PANK3: variants seen among roughly 807,000 people sequenced by gnomAD.
PANK3 encodes hPanK3.
A neutral mutation model predicts 39.4 loss-of-function variants in PANK3; 20 were observed. The ratio of observed to expected loss-of-function variants is 0.51; its 90% CI spans 0.36 to 0.74. PANK3 has a LOEUF of 0.74. Among genes scored for constraint, PANK3 ranks in the 30% least tolerant of loss-of-function variants. PANK3 has a pLI of 0.00. For missense variants in PANK3, 265 were observed against 437.0 expected (o/e 0.61, Z 3.51); for synonymous variants, 140 against 157.3 (o/e 0.89, Z 0.82).
chr5:168,564,167 A>G, intron 3 of PANK3, 102 bp from the exon 4 acceptor site: 1 of 1,060,190 alleles, frequency 9.4e-7, no homozygotes, highest in Non-Finnish European at 1.3e-6. Context: ...CACACAGAAA[A>G]AAAACCTATG....
chr5:168,572,052 T>TA (rs1347244424), intron 1 of PANK3, among the ~76,000 whole-genome samples: 1 of 149,754 alleles, frequency 6.7e-6, no homozygotes, highest in Admixed American at 6.6e-5. Flanking sequence ...CTAAGCAACA[T>TA]AAGCAGAAGA....
At chr5:168,557,693 C>T (rs903282646) in intron 6 of PANK3, 72 bp from the exon 7 acceptor site, 3 of 1,183,514 alleles carry the variant, frequency 2.5e-6, no homozygotes, top group Non-Finnish European at 3.7e-6. Flanking sequence ...CACTTGAGAA[C>T]ACACAACTAT....
chr5:168,579,251 C>CT lies in PANK3; in HGVS notation c.28+4dup. 6.7e-7 allele frequency: 1 copy of CT among 1,496,534 alleles called. No individual in the cohort carries two copies. The highest frequency in any genetic ancestry group is 8.9e-7 in the Non-Finnish European group (1 of 1,120,466). The allele number at this position is 1,496,534 out of a possible 1,614,324, so 92.7% of individuals were successfully genotyped here. Reference sequence around the variant, plus strand: ...CAACCTGGCGGGCCCCAGCCCCCGTCTTACAGGGTTTCTTGGCATCTTTGA... The same window carrying CT: ...CAACCTGGCGGGCCCCAGCCCCCGTCTTTACAGGGTTTCTTGGCATCTTTGA... On this transcript the variant is annotated splice_donor_region_variant and intron_variant, in intron 1 of 6. Coordinates refer to ENST00000239231, the MANE Select transcript of PANK3 (RefSeq NM_024594.4).
chr5:168,567,098 C>T (rs1318617317), intron 2 of PANK3, among the ~76,000 whole-genome samples: 1 of 152,136 alleles, frequency 6.6e-6, no homozygotes, highest in Non-Finnish European at 1.5e-5. Context: ...CCACATAAAG[C>T]AAGGGAAAAT....
intron 1 of PANK3, 27 bp from the exon 2 acceptor site, chr5:168,569,025 AAAAAAATAT>A: frequency 2.7e-6 from 1 of 371,506 alleles, no homozygotes; most frequent in Non-Finnish European, 3.9e-6. Context: ...AAAAAAAAAA[AAAAAAATAT>A]ATATATATAT....
rs1759267189 is a variant in PANK3 at position 168,551,082 on chromosome 5, CTT to C, written c.*6487_*6488del. 1 of 152,106 alleles carries C rather than the reference CTT, an allele frequency of 6.6e-6. No homozygotes were observed. Among genetic ancestry groups the C allele is most frequent in the Non-Finnish European group, 1.5e-5 (1 of 67,994 alleles). 9.4% of individuals were successfully genotyped at this position (152,106 alleles called of 1,614,324 possible). On this transcript the variant is annotated 3_prime_UTR_variant, in exon 7 of 7. Transcript: ENST00000239231. ...ATCGTGAATGGGCTATCCAAATACTCTTAACAGAAGGAATTCCTTTTTTAGGT... is the reference window on the plus strand; with the variant it reads ...ATCGTGAATGGGCTATCCAAATACTCAACAGAAGGAATTCCTTTTTTAGGT...
At chr5:168,564,087 G>A in intron 3 of PANK3, 22 bp from the exon 4 acceptor site, 2 of 1,564,422 alleles carry the variant, frequency 1.3e-6, no homozygotes, top group Non-Finnish European at 1.7e-6. Flanking sequence ...AAAGAAACTT[G>A]CTAAGTTGCA....
chr5:168,568,054 A>G (rs1385894282), intron 2 of PANK3, among the ~76,000 whole-genome samples: 4 of 152,234 alleles, frequency 2.6e-5, no homozygotes, highest in Non-Finnish European at 2.9e-5. Flanking sequence ...AAAGACTAGA[A>G]GATGGCAAAC....
At chr5:168,573,432 A>AAAAAAAAAAAAAAAAAAAAAAAAAAAT (rs1289340058) in intron 1 of PANK3, among the ~76,000 whole-genome samples, 1 of 146,374 alleles carries the variant, frequency 6.8e-6, no homozygotes, top group Non-Finnish European at 1.5e-5. Context: ...AAAAAAAAAA[A>AAAAAAAAAAAAAAAAAAAAAAAAAAAT]AAAAAAAAAA....
Position 168,551,548 on chromosome 5 carries a change from A to C in PANK3, c.*6023T>G, listed in dbSNP as rs1759272223. On this transcript the variant is annotated 3_prime_UTR_variant, in exon 7 of 7. Transcript: ENST00000239231. ...AAAAAACTTTGCTTATAATATACAG[A>C]GTGGTTATAAAGAACATATGGAAAT... The C allele has an allele frequency of 6.6e-6, 1 of 152,220 alleles. No individual in the cohort carries two copies. Among genetic ancestry groups the C allele is most frequent in the African/African-American group, 2.4e-5 (1 of 41,464 alleles). The allele number at this position is 152,220 out of a possible 1,614,324, so 9.4% of individuals were successfully genotyped here.
rs900769594 is a variant in PANK3, at chr5:168,555,477, A to C, written c.*2094T>G. 2.6e-5 allele frequency: 4 copies of C among 152,244 alleles called. No individual in the cohort carries two copies. The highest frequency in any genetic ancestry group is 4.4e-5 in the Non-Finnish European group (3 of 68,074). The allele number at this position is 152,244 out of a possible 1,614,324, so 9.4% of individuals were successfully genotyped here. On this transcript the variant is annotated 3_prime_UTR_variant, in exon 7 of 7. Transcript: ENST00000239231. ...AGGCTGGTCTCGAACTCCTGACCTC[A>C]GGTGACCTGCCCACCCTGGCCTCTC...
chr5:168,579,363 CCG>C lies in PANK3; in HGVS notation c.-82_-81del. On this transcript the variant is annotated 5_prime_UTR_variant, in exon 1 of 7. Coordinates refer to ENST00000239231, the MANE Select transcript of PANK3 (RefSeq NM_024594.4). ...GGCGGCGACTCCGGAGGTGGCTGGGCCGCGCGGCGAGGCCCGGCCGGTTCCTC... is the reference window on the plus strand; with the variant it reads ...GGCGGCGACTCCGGAGGTGGCTGGGCCGCGGCGAGGCCCGGCCGGTTCCTC... 7.9e-7 allele frequency: 1 copy of C among 1,268,540 alleles called. No individual in the cohort carries two copies. Among genetic ancestry groups the C allele is most frequent in the Non-Finnish European group, 1.0e-6 (1 of 975,208 alleles). 78.6% of individuals were successfully genotyped at this position (1,268,540 alleles called of 1,614,324 possible).
In PANK3 at chr5:168,550,102, A is replaced by C. The variant is rs1278231969; in HGVS notation, c.*7469T>G. 3.3e-5 allele frequency: 5 copies of C among 152,346 alleles called. No homozygotes were observed. In the East Asian group the frequency reaches 9.6e-4, roughly 29 times the overall value. The allele number at this position is 152,346 out of a possible 1,614,324, so 9.4% of individuals were successfully genotyped here. ...CTTTATAATGGGGCAAAAGCAATAC[A>C]CATTCAGTTAAAAACTGTACTTCAA... On this transcript the variant is annotated 3_prime_UTR_variant, in exon 7 of 7. Transcript: ENST00000239231.
rs550972000 is a variant in PANK3, at chr5:168,551,371, A to G, written c.*6200T>C. On this transcript the variant is annotated 3_prime_UTR_variant, in exon 7 of 7. Coordinates refer to ENST00000239231, the MANE Select transcript of PANK3 (RefSeq NM_024594.4). ...TAATGTTTTGTTCACACCCACCACA[A>G]AACAGTTAAGTTAAATTCAAAATAA... 1 of 152,282 alleles carries G rather than the reference A, an allele frequency of 6.6e-6. No homozygotes were observed. Among genetic ancestry groups the G allele is most frequent in the South Asian group, 2.1e-4 (1 of 4,828 alleles). The allele number at this position is 152,282 out of a possible 1,614,324, so 9.4% of individuals were successfully genotyped here. A position where few individuals can be genotyped will look rare whatever the true frequency, so the allele number is the denominator to read the frequency against.
At position 168,552,222 on chromosome 5, in the gene PANK3, C is replaced by T. The variant is rs1759282419; in HGVS notation, c.*5349G>A. The T allele has an allele frequency of 6.6e-6, 1 of 152,112 alleles. No homozygotes were observed. Among genetic ancestry groups the T allele is most frequent in the South Asian group, 2.1e-4 (1 of 4,822 alleles). 9.4% of individuals were successfully genotyped at this position (152,112 alleles called of 1,614,324 possible). A position where few individuals can be genotyped will look rare whatever the true frequency, so the allele number is the denominator to read the frequency against. On this transcript the variant is annotated 3_prime_UTR_variant, in exon 7 of 7. Transcript: ENST00000239231. ...AGAGGTCTACAATGCATTAAAGTTT[C>T]TTTTTAATCCTTAGAAATTGGCTGC...
At chr5:168,577,120 C>T (rs1261442916) in intron 1 of PANK3, among the ~76,000 whole-genome samples, 1 of 151,812 alleles carries the variant, frequency 6.6e-6, no homozygotes, top group Non-Finnish European at 1.5e-5. Flanking sequence ...ACCTCGTGAT[C>T]TGCCCCACTC....
In PANK3 at chr5:168,559,197, AG is replaced by A. The variant is rs1242040718; in HGVS notation, c.937-41del. On this transcript the variant is annotated intron_variant, in intron 5 of 6. Transcript: ENST00000239231. The stretch of plus-strand genomic sequence containing the variant: ...CAAAGAAAAAACTTGTAAAAATAAT[AG>A]ATTTTACAATATAAAAGGTTTCTAA... 3 of 1,272,510 alleles carry A rather than the reference AG, an allele frequency of 2.4e-6. No homozygotes were observed. The African/African-American group carries it at 4.6e-5, about 19-fold the overall frequency. 78.8% of individuals were successfully genotyped at this position (1,272,510 alleles called of 1,614,324 possible).
chr5:168,561,653 C>G (rs1389269006), intron 4 of PANK3, 137 bp from the exon 5 acceptor site: 1 of 635,126 alleles, frequency 1.6e-6, no homozygotes, highest in Non-Finnish European at 2.3e-6. Flanking sequence ...AAGATCAAAA[C>G]AAACTAACAA....
At chr5:168,561,661 CA>C (rs1414870546) in intron 4 of PANK3, 145 bp from the exon 5 acceptor site, 33 of 584,290 alleles carry the variant, frequency 5.6e-5, no homozygotes, top group South Asian at 1.6e-4. Flanking sequence ...AACAAACTAA[CA>C]AAAAAAATCT....
Sources: allele counts gnomAD v4.1 joint callset (sites outside exome capture counted in the v4.1 genomes callset), GRCh38; gene constraint gnomAD v4.1.1; transcripts MANE v1.5; gene names NCBI Gene and HGNC (gene_info 2026-07-23, HGNC 2026-07-21).